CDK14: variants seen among roughly 807,000 people sequenced by gnomAD.
CDK14 encodes cyclin-dependent kinase 14.
In CDK14, 34 loss-of-function variants were observed where a neutral mutation model predicts 60.7. The ratio of observed to expected loss-of-function variants is 0.56; its 90% CI spans 0.43 to 0.75. The LOEUF is 0.75. CDK14 is among the 30% of genes least tolerant of loss of function. The pLI is 0.00. For synonymous variants in CDK14, 197 were observed against 203.7 expected (o/e 0.97, Z 0.28); for missense variants, 482 against 564.1 (o/e 0.85, Z 1.47).
intron 11 of CDK14, among the ~76,000 whole-genome samples, chr7:91,072,994 A>G (rs972825295): frequency 2.0e-5 from 3 of 152,146 alleles, no homozygotes; most frequent in Non-Finnish European, 2.9e-5. Context: ...AGAACAAACA[A>G]AACTTCCAAG....
chr7:90,961,930 C>T (rs1013740318), intron 9 of CDK14, among the ~76,000 whole-genome samples: 3 of 152,318 alleles, frequency 2.0e-5, no homozygotes, highest in South Asian at 2.1e-4. Flanking sequence ...TTTCTCATAA[C>T]GCACTAGAGC....
At chr7:90,760,207 G>C (rs933091294) in intron 4 of CDK14, among the ~76,000 whole-genome samples, 3 of 152,182 alleles carry the variant, frequency 2.0e-5, no homozygotes, top group African/African-American at 4.8e-5. Context: ...GGAGAAATAG[G>C]GGGGAAGAAA....
At chr7:90,965,184 A>G (rs755117523) in intron 9 of CDK14, among the ~76,000 whole-genome samples, 1 of 151,906 alleles carries the variant, frequency 6.6e-6, no homozygotes, top group Non-Finnish European at 1.5e-5. Flanking sequence ...TTGTCTCTGC[A>G]TGGTGTTGTA....
At chr7:90,607,265 C>T (rs1374987012) in intron 2 of CDK14, among the ~76,000 whole-genome samples, 2 of 152,202 alleles carry the variant, frequency 1.3e-5, no homozygotes, top group South Asian at 2.1e-4. Flanking sequence ...GGGAACTCTA[C>T]AGTCCATTGG....
chr7:90,824,544 T>C (rs565008024), intron 5 of CDK14: 24 of 152,330 alleles, frequency 1.6e-4, no homozygotes, highest in African/African-American at 5.8e-4. Flanking sequence ...TAAACAGTTA[T>C]ATCAAGGAGG....
At chr7:90,671,840 T>C (rs1163052178) in intron 2 of CDK14, among the ~76,000 whole-genome samples, 1 of 152,170 alleles carries the variant, frequency 6.6e-6, no homozygotes, top group Non-Finnish European at 1.5e-5. Flanking sequence ...ATCAATATGG[T>C]ATAAGCTCAC....
chr7:91,176,630 A>G (rs893843699), intron 14 of CDK14, among the ~76,000 whole-genome samples: 2 of 152,204 alleles, frequency 1.3e-5, no homozygotes, highest in African/African-American at 2.4e-5. Flanking sequence ...AGGGCATATC[A>G]CCACCGATCC....
rs75333291 is a variant in CDK14 at position 90,663,226 on chromosome 7, T to C, written c.123+58977T>C. On this transcript the variant is annotated intron_variant, in intron 2 of 14. Coordinates refer to ENST00000380050, the MANE Select transcript of CDK14 (RefSeq NM_001287135.2). ...ATATAAAAAATTACACTTCACTTCA[T>C]GTGTATTGCTTTGAACTATTTAAAA... 3.9e-5 allele frequency among the ~76,000 whole-genome samples: 6 copies of C among 152,294 alleles called. No homozygotes were observed. The East Asian group carries it at 9.6e-4, about 24-fold the overall frequency.
In CDK14 at chr7:90,602,962, A is replaced by G. The variant is rs966361790; in HGVS notation, c.92-1256A>G. The stretch of plus-strand genomic sequence containing the variant: ...TCACGATTGTTAGAGTATGTATCCT[A>G]AGCTTTTCTATGATAGCTTCAGTTT... On this transcript the variant is annotated intron_variant, in intron 1 of 14. Coordinates refer to ENST00000380050, the MANE Select transcript of CDK14 (RefSeq NM_001287135.2). Among the ~76,000 whole-genome samples the G allele has an allele frequency of 2.0e-5, 3 of 152,332 alleles. No individual in the cohort carries two copies. The East Asian group carries it at 5.8e-4, about 29-fold the overall frequency.
At chr7:90,711,815 G>A (rs1802070314) in intron 2 of CDK14, among the ~76,000 whole-genome samples, 1 of 150,274 alleles carries the variant, frequency 6.7e-6, no homozygotes, top group Non-Finnish European at 1.5e-5. Flanking sequence ...CATTTTTGGA[G>A]TCTGTTGTGT....
At chr7:91,060,082 G>A (rs567110737) in intron 11 of CDK14, among the ~76,000 whole-genome samples, 14 of 152,246 alleles carry the variant, frequency 9.2e-5, no homozygotes, top group Non-Finnish European at 1.5e-5. Context: ...ATGAATCTGG[G>A]TGCTCCTTAT....
At chr7:90,995,080 G>C (rs1295854475) in intron 10 of CDK14, among the ~76,000 whole-genome samples, 1 of 152,180 alleles carries the variant, frequency 6.6e-6, no homozygotes, top group Non-Finnish European at 1.5e-5. Flanking sequence ...CCCCTTGAGC[G>C]TGGGCTGGAC....
At chr7:90,924,309 C>G (rs1024681) in intron 8 of CDK14, among the ~76,000 whole-genome samples, 126,421 of 152,250 alleles carry the variant, frequency 0.83, 52,642 homozygotes, top group East Asian at 0.95. Context: ...TGATCCATTC[C>G]TGAAGGGAGA....
chr7:90,774,979 A>C (rs1175709244), intron 4 of CDK14, among the ~76,000 whole-genome samples: 1 of 152,166 alleles, frequency 6.6e-6, no homozygotes, highest in South Asian at 2.1e-4. Context: ...TCAGAGCCTC[A>C]TGGTGGTGAA....
chr7:91,067,387 G>A (rs762486008), intron 11 of CDK14, among the ~76,000 whole-genome samples: 2 of 152,182 alleles, frequency 1.3e-5, no homozygotes, highest in Non-Finnish European at 2.9e-5. Flanking sequence ...TATAAATGAT[G>A]AGGCTCTGTG....
At chr7:91,149,282 A>G (rs1176564381) in intron 14 of CDK14, among the ~76,000 whole-genome samples, 1 of 151,336 alleles carries the variant, frequency 6.6e-6, no homozygotes, top group Non-Finnish European at 1.5e-5. Flanking sequence ...TGGGAGCTTC[A>G]TAAAAAAAAA....
chr7:90,889,395 A>G (rs919717261), intron 6 of CDK14, among the ~76,000 whole-genome samples: 1 of 152,186 alleles, frequency 6.6e-6, no homozygotes, highest in Non-Finnish European at 1.5e-5. Flanking sequence ...GGTTTACATG[A>G]TGGGAATGCA....
At chr7:90,748,540 T>G (rs1803687957) in intron 4 of CDK14, among the ~76,000 whole-genome samples, 1 of 152,212 alleles carries the variant, frequency 6.6e-6, no homozygotes, top group South Asian at 2.1e-4. Context: ...CAAAATAATT[T>G]TCTATACTGT....
At chr7:91,037,164 A>G (rs553696644) in intron 10 of CDK14, among the ~76,000 whole-genome samples, 3 of 152,356 alleles carry the variant, frequency 2.0e-5, no homozygotes, top group East Asian at 3.9e-4. Context: ...GTTTATAGCT[A>G]TCACATTTTC....
Sources: gnomAD v4.1 joint callset for allele counts (sites outside exome capture counted in the v4.1 genomes callset) on GRCh38, gnomAD v4.1.1 for gene constraint, MANE v1.5 for transcripts, NCBI Gene and HGNC (gene_info 2026-07-23, HGNC 2026-07-21) for gene names.